MARCHF11: variants seen among roughly 807,000 people sequenced by gnomAD.
The protein encoded by MARCHF11 is membrane associated ring-CH-type finger 11.
A neutral mutation model predicts 37.3 loss-of-function variants in MARCHF11; 29 were observed. The ratio of observed to expected loss-of-function variants is 0.78; its 90% CI spans 0.58 to 1.06. The LOEUF (loss-of-function observed/expected upper bound fraction) is 1.06, where lower values mean the gene tolerates loss of function less well. MARCHF11 is among the 50% of genes least tolerant of loss of function. The pLI is 0.00. For synonymous variants in MARCHF11, 233 were observed against 228.0 expected (o/e 1.02, Z -0.20); for missense variants, 482 against 533.4 (o/e 0.90, Z 0.95).
chr5:16,084,202 A>G (rs1394838271), intron 3 of MARCHF11, among the ~76,000 whole-genome samples: 2 of 152,250 alleles, frequency 1.3e-5, no homozygotes, highest in Non-Finnish European at 2.9e-5. Context: ...CATGGTATTT[A>G]TTATGCTGAA....
chr5:16,146,195 G>C (rs1737792362), intron 2 of MARCHF11, among the ~76,000 whole-genome samples: 1 of 152,120 alleles, frequency 6.6e-6, no homozygotes, highest in Non-Finnish European at 1.5e-5. Flanking sequence ...CAAATGTCAG[G>C]AACCTTTTTG....
intron 2 of MARCHF11, among the ~76,000 whole-genome samples, chr5:16,134,294 C>A (rs1033498089): frequency 2.0e-5 from 3 of 152,134 alleles, no homozygotes; most frequent in Non-Finnish European, 2.9e-5. Flanking sequence ...GGACGTGGGA[C>A]CTAATGGGGA....
chr5:16,174,979 T>C (rs1040849259), intron 2 of MARCHF11, among the ~76,000 whole-genome samples: 7 of 152,190 alleles, frequency 4.6e-5, no homozygotes, highest in South Asian at 4.1e-4. Flanking sequence ...CTTAAGAGAT[T>C]TGTAATTTTC....
Position 16,179,019 on chromosome 5 carries a change from G to A in MARCHF11, c.537+20C>T, listed in dbSNP as rs987259962. 2.1e-6 allele frequency: 3 copies of A among 1,428,208 alleles called. No homozygotes were observed. Among genetic ancestry groups the A allele is most frequent in the South Asian group, 1.4e-5 (1 of 71,858 alleles). 88.5% of individuals were successfully genotyped at this position (1,428,208 alleles called of 1,614,324 possible). A position where few individuals can be genotyped will look rare whatever the true frequency, so the allele number is the denominator to read the frequency against. On this transcript the variant is annotated intron_variant, in intron 1 of 3. Transcript: ENST00000332432. The stretch of plus-strand genomic sequence containing the variant: ...AGCTGGAGCCGCCACCGGCTGCCTC[G>A]GGGTCTCGCCGGGCCTTACCTGCTC...
intron 3 of MARCHF11, among the ~76,000 whole-genome samples, chr5:16,086,775 C>A (rs991320207): frequency 1.3e-5 from 2 of 152,194 alleles, no homozygotes; most frequent in Non-Finnish European, 2.9e-5. Flanking sequence ...TCTGGTCCCT[C>A]AAACTTTTAG....
intron 3 of MARCHF11, 107 bp from the exon 4 acceptor site, chr5:16,067,900 A>G (rs1736376794): frequency 3.2e-6 from 3 of 951,384 alleles, no homozygotes; most frequent in Non-Finnish European, 4.6e-6. Flanking sequence ...GTTATTCATC[A>G]TCAGCAAAAA....
chr5:16,160,381 AATAAT>A (rs1738053836), intron 2 of MARCHF11, among the ~76,000 whole-genome samples: 1 of 145,160 alleles, frequency 6.9e-6, no homozygotes, highest in African/African-American at 2.5e-5. Flanking sequence ...TATTAAATAT[AATAAT>A]ATAATATATA....
At chr5:16,074,254 G>A (rs1020615423) in intron 3 of MARCHF11, among the ~76,000 whole-genome samples, 10 of 152,246 alleles carry the variant, frequency 6.6e-5, no homozygotes, top group East Asian at 1.9e-4. Flanking sequence ...AGCCTAAGTG[G>A]TGCCAAGAGG....
At chr5:16,135,151 A>C (rs1042502438) in intron 2 of MARCHF11, among the ~76,000 whole-genome samples, 1 of 152,206 alleles carries the variant, frequency 6.6e-6, no homozygotes, top group South Asian at 2.1e-4. Flanking sequence ...GCTTTGGGCC[A>C]GTTACTAAAC....
intron 2 of MARCHF11, among the ~76,000 whole-genome samples, chr5:16,160,268 A>G (rs1738048501): frequency 1.4e-5 from 2 of 146,176 alleles, no homozygotes; most frequent in South Asian, 4.2e-4. Context: ...ATTTTAATAT[A>G]TTTATATTAA....
At chr5:16,176,671 T>C (rs534671306) in intron 2 of MARCHF11, among the ~76,000 whole-genome samples, 2 of 152,322 alleles carry the variant, frequency 1.3e-5, no homozygotes, top group South Asian at 2.1e-4. Flanking sequence ...TTTTAAACTA[T>C]GAAATTTAAA....
At chr5:16,070,433 C>T (rs1736413976) in intron 3 of MARCHF11, among the ~76,000 whole-genome samples, 1 of 152,164 alleles carries the variant, frequency 6.6e-6, no homozygotes, top group South Asian at 2.1e-4. Flanking sequence ...TGGTGGGGAA[C>T]ACACATTCGC....
In MARCHF11 at chr5:16,139,315, A is replaced by G. The variant is rs189095998; in HGVS notation, c.693+38411T>C. Among the ~76,000 whole-genome samples, 602 of 152,220 alleles carry G rather than the reference A, an allele frequency of 4.0e-3. 1 individual carries two copies. The highest frequency in any genetic ancestry group is 7.0e-3 in the Admixed American group (107 of 15,280). On this transcript the variant is annotated intron_variant, in intron 2 of 3. Coordinates refer to ENST00000332432, the MANE Select transcript of MARCHF11 (RefSeq NM_001102562.3). Reference sequence around the variant, plus strand: ...GGGAGTTCCCCTGCTGAAGCTCTTTATTGCTGGCCACCATGTAAGATGTGA... The same window carrying G: ...GGGAGTTCCCCTGCTGAAGCTCTTTGTTGCTGGCCACCATGTAAGATGTGA...
At chr5:16,141,933 G>T (rs954293010) in intron 2 of MARCHF11, among the ~76,000 whole-genome samples, 2 of 152,144 alleles carry the variant, frequency 1.3e-5, no homozygotes, top group African/African-American at 2.4e-5. Flanking sequence ...CTGCATTCGT[G>T]GGGGGATCTC....
chr5:16,109,488 C>T (rs1226932796), intron 2 of MARCHF11, among the ~76,000 whole-genome samples: 2 of 152,200 alleles, frequency 1.3e-5, no homozygotes, highest in African/African-American at 2.4e-5. Flanking sequence ...AGGATGGTGC[C>T]CGGAGAGGGC....
At chr5:16,081,875 C>A (rs1736615557) in intron 3 of MARCHF11, among the ~76,000 whole-genome samples, 2 of 152,290 alleles carry the variant, frequency 1.3e-5, no homozygotes, top group Non-Finnish European at 2.9e-5. Context: ...CCTTGAGAGG[C>A]CATTCCATGC....
intron 2 of MARCHF11, among the ~76,000 whole-genome samples, chr5:16,131,050 A>G (rs1737507117): frequency 6.6e-6 from 1 of 152,232 alleles, no homozygotes; most frequent in Non-Finnish European, 1.5e-5. Context: ...GAATATTTCA[A>G]TCAGCAGAGG....
chr5:16,080,302 C>T (rs980597588), intron 3 of MARCHF11, among the ~76,000 whole-genome samples: 2 of 152,144 alleles, frequency 1.3e-5, no homozygotes, highest in South Asian at 2.1e-4. Flanking sequence ...GAAGTTCCCT[C>T]CTCCTCATGT....
In MARCHF11 at chr5:16,090,923, A is replaced by T; in HGVS notation, c.852T>A (p.Tyr284Ter). The change falls in exon 3 of 4, where the codon TAT becomes TAA. Residue 284 changes from tyrosine (Y) to a stop codon, truncating the protein, a stop_gained. Transcript: ENST00000332432. LOFTEE classifies it high-confidence loss of function. ...QRKDILFQIC[Y>*]GMYGFMDLVC... The stretch of plus-strand genomic sequence containing the variant: ...CTAGATCCATAAAACCATACATTCC[A>T]TAGCAGATCTGAAAAAGGATGTCCT... 1 of 1,610,854 alleles carries T rather than the reference A, an allele frequency of 6.2e-7. No individual in the cohort carries two copies. The highest frequency in any genetic ancestry group is 8.5e-7 in the Non-Finnish European group (1 of 1,179,234).
Sources: gnomAD v4.1 joint callset for allele counts (sites outside exome capture counted in the v4.1 genomes callset) on GRCh38, gnomAD v4.1.1 for gene constraint, MANE v1.5 for transcripts, NCBI Gene and HGNC (gene_info 2026-07-23, HGNC 2026-07-21) for gene names.